NXPE2: variants seen among roughly 807,000 people sequenced by gnomAD.
NXPE2 encodes NXPE family member 2.
Under a neutral mutation model 34.4 loss-of-function variants are expected in NXPE2, and 34 were observed. That is an observed-to-expected ratio of 0.99 (90% confidence interval 0.75 to 1.31). The LOEUF (loss-of-function observed/expected upper bound fraction) is 1.31. Among genes scored for constraint, NXPE2 ranks in the 40% most tolerant of loss-of-function variants. NXPE2 has a pLI of 0.00. For missense variants in NXPE2, 649 were observed against 672.5 expected, an observed-to-expected ratio of 0.97 and a Z score of 0.39; for synonymous variants, 235 against 231.3, an observed-to-expected ratio of 1.02 and a Z score of -0.15.
the NXPE2 span, among the ~76,000 whole-genome samples, chr11:114,557,531 T>C: frequency 1.3e-5 from 2 of 150,964 alleles, no homozygotes; most frequent in South Asian, 2.1e-4. Context: ...GCTCAAGTGA[T>C]CCTTCTACCT....
the NXPE2 span, among the ~76,000 whole-genome samples, chr11:114,560,532 G>T: frequency 6.6e-6 from 1 of 152,288 alleles, no homozygotes; most frequent in African/African-American, 2.4e-5. Context: ...CACCCAAAGT[G>T]CTGGGATTAC....
chr11:114,762,021 C>G, the NXPE2 span, among the ~76,000 whole-genome samples: 4 of 152,148 alleles, frequency 2.6e-5, no homozygotes, highest in Non-Finnish European at 5.9e-5. Flanking sequence ...TGAAGACTAA[C>G]GTGTAAACTC....
At chr11:114,647,307 G>C in the NXPE2 span, among the ~76,000 whole-genome samples, 4 of 152,234 alleles carry the variant, frequency 2.6e-5, no homozygotes, top group African/African-American at 9.6e-5. Flanking sequence ...CTGTGCTTAT[G>C]AGCTTTGGTA....
the NXPE2 span, among the ~76,000 whole-genome samples, chr11:114,624,453 C>T: frequency 6.6e-6 from 1 of 152,090 alleles, no homozygotes; most frequent in African/African-American, 2.4e-5. Context: ...CATGGGTAAC[C>T]ACTGTTACCT....
chr11:114,597,100 T>A, the NXPE2 span, among the ~76,000 whole-genome samples: 1 of 88,636 alleles, frequency 1.1e-5, no homozygotes, highest in Non-Finnish European at 2.3e-5. Flanking sequence ...TGAATTGGGA[T>A]AATATTACTT....
the NXPE2 span, among the ~76,000 whole-genome samples, chr11:114,488,753 G>A: frequency 9.9e-3 from 1,506 of 152,254 alleles, 30 homozygotes; most frequent in African/African-American, 0.034. Flanking sequence ...ACAAGAGAAA[G>A]CAGGAAAGAT....
chr11:114,657,575 TC>T, the NXPE2 span, among the ~76,000 whole-genome samples: 6 of 152,300 alleles, frequency 3.9e-5, no homozygotes, highest in Non-Finnish European at 7.4e-5. Context: ...CTATTTAATG[TC>T]GTATAATAGG....
the NXPE2 span, among the ~76,000 whole-genome samples, chr11:114,772,804 G>C: frequency 6.6e-6 from 1 of 152,094 alleles, no homozygotes; most frequent in Non-Finnish European, 1.5e-5. Context: ...GACAGAAAGC[G>C]GGGTTCAGCA....
At chr11:114,697,951 A>T (rs2135559405) in intron 2 of NXPE2, 94 bp from the exon 3 acceptor site, 1 of 1,172,192 alleles carries the variant, frequency 8.5e-7, no homozygotes, top group Admixed American at 3.3e-5. Flanking sequence ...AATTTATCAC[A>T]CTGAAAGATG....
chr11:114,773,782 G>T, the NXPE2 span, among the ~76,000 whole-genome samples: 2 of 152,240 alleles, frequency 1.3e-5, no homozygotes, highest in Non-Finnish European at 2.9e-5. Context: ...AAAGGTGGAA[G>T]AAGGGAGAAT....
chr11:114,807,102 G>C, the NXPE2 span, among the ~76,000 whole-genome samples: 1 of 150,798 alleles, frequency 6.6e-6, no homozygotes, highest in East Asian at 2.0e-4. Flanking sequence ...AGCTTCATAA[G>C]TGAGGGAGAA....
the NXPE2 span, among the ~76,000 whole-genome samples, chr11:114,534,159 A>G: frequency 6.6e-6 from 1 of 152,354 alleles, no homozygotes; most frequent in East Asian, 1.9e-4. Flanking sequence ...ACCACTGCTG[A>G]TACCCAGGCA....
chr11:114,770,385 G>A, the NXPE2 span, among the ~76,000 whole-genome samples: 1 of 152,214 alleles, frequency 6.6e-6, no homozygotes, highest in Admixed American at 6.5e-5. Flanking sequence ...GTGGCTATGT[G>A]TGTGTGCACA....
the NXPE2 span, among the ~76,000 whole-genome samples, chr11:114,538,204 G>T: frequency 6.6e-6 from 1 of 152,212 alleles, no homozygotes; most frequent in African/African-American, 2.4e-5. Context: ...AATAAATGGT[G>T]CTGGGAAAAT....
In NXPE2 at chr11:114,698,648, G is replaced by C. The variant is rs778919660; in HGVS notation, c.736G>C (p.Asp246His). The change falls in exon 3 of 6, where the codon GAT (aspartate) becomes CAT (histidine). Residue 246 changes from aspartate (D) to histidine (H), a missense_variant. Transcript: ENST00000389586. ...NTNAELCQYMDDRDQEAFYCV... is the reference protein window; with the variant it reads ...NTNAELCQYMHDRDQEAFYCV... The stretch of plus-strand genomic sequence containing the variant: ...AAATGCTGAACTGTGCCAGTACATG[G>C]ATGACAGAGACCAAGAAGCCTTCTA... 2 of 1,614,182 alleles carry C rather than the reference G, an allele frequency of 1.2e-6. No homozygotes were observed. Among genetic ancestry groups the C allele is most frequent in the East Asian group, 2.2e-5 (1 of 44,878 alleles).
At chr11:114,485,117 A>G in the NXPE2 span, among the ~76,000 whole-genome samples, 1 of 152,218 alleles carries the variant, frequency 6.6e-6, no homozygotes, top group Non-Finnish European at 1.5e-5. Context: ...TAGGCATACA[A>G]TGTGTATTAA....
chr11:114,551,023 A>G, the NXPE2 span: 1 of 723,980 alleles, frequency 1.4e-6, no homozygotes, highest in Non-Finnish European at 2.4e-6. Context: ...GGCAGGACTA[A>G]TGGAGTGGGA....
the NXPE2 span, among the ~76,000 whole-genome samples, chr11:114,625,721 C>T: frequency 0.01 from 1,571 of 152,230 alleles, 23 homozygotes; most frequent in African/African-American, 0.035. Flanking sequence ...CCAGCATGAG[C>T]GACGCAGAAG....
the NXPE2 span, among the ~76,000 whole-genome samples, chr11:114,607,029 AC>A: frequency 6.6e-6 from 1 of 151,918 alleles, no homozygotes; most frequent in African/African-American, 2.4e-5. Context: ...AATCACGGTT[AC>A]CCAGTGGATA....
Sources: gnomAD v4.1 joint callset for allele counts (sites outside exome capture counted in the v4.1 genomes callset) on GRCh38, gnomAD v4.1.1 for gene constraint, MANE v1.5 for transcripts, NCBI Gene and HGNC (gene_info 2026-07-23, HGNC 2026-07-21) for gene names.